FOXP2: variants seen among roughly 807,000 people sequenced by gnomAD.
FOXP2 encodes forkhead box protein P2.
Under a neutral mutation model 115.8 loss-of-function variants are expected in FOXP2, and 12 were observed. The ratio of observed to expected loss-of-function variants is 0.10; its 90% CI spans 0.07 to 0.17. The LOEUF (loss-of-function observed/expected upper bound fraction) is 0.17, where lower values mean the gene tolerates loss of function less well. Ranked by LOEUF, FOXP2 falls within the 10% of genes least tolerant of loss-of-function variation. The probability of loss-of-function intolerance (pLI) is 1.00; values close to 1 mark genes in which losing one functional copy is unlikely to be tolerated. For missense variants in FOXP2, 629 were observed against 843.5 expected, an observed-to-expected ratio of 0.75 and a Z score of 3.15; for synonymous variants, 328 against 297.7, an observed-to-expected ratio of 1.10 and a Z score of -1.05.
At chr7:114,383,365 A>G (rs1251298969) in intron 2 of FOXP2, among the ~76,000 whole-genome samples, 5 of 151,810 alleles carry the variant, frequency 3.3e-5, no homozygotes, top group Non-Finnish European at 7.4e-5. Flanking sequence ...GCACTCTTTG[A>G]TTTATTGTTT....
chr7:114,367,495 G>T (rs777465174), intron 2 of FOXP2, among the ~76,000 whole-genome samples: 2 of 151,996 alleles, frequency 1.3e-5, no homozygotes, highest in Non-Finnish European at 2.9e-5. Flanking sequence ...ATCATAATTT[G>T]CCAGTATAAG....
chr7:114,646,359 A>C (rs1805892421), intron 8 of FOXP2, among the ~76,000 whole-genome samples: 1 of 152,082 alleles, frequency 6.6e-6, no homozygotes, highest in African/African-American at 2.4e-5. Context: ...TGTTTATAGC[A>C]AATTGAAAGA....
intron 2 of FOXP2, among the ~76,000 whole-genome samples, chr7:114,290,947 A>G (rs1014721044): frequency 4.6e-5 from 7 of 152,134 alleles, no homozygotes; most frequent in Non-Finnish European, 8.8e-5. Flanking sequence ...ATTTTCCATT[A>G]TATTCATTTC....
At chr7:114,655,602 A>G (rs1806543830) in intron 10 of FOXP2, among the ~76,000 whole-genome samples, 1 of 152,160 alleles carries the variant, frequency 6.6e-6, no homozygotes, top group African/African-American at 2.4e-5. Flanking sequence ...AACCCTCAAA[A>G]AAACCCTAAA....
chr7:114,233,599 T>G (rs1048964181), intron 1 of FOXP2, among the ~76,000 whole-genome samples: 3 of 152,252 alleles, frequency 2.0e-5, no homozygotes, highest in African/African-American at 7.2e-5. Flanking sequence ...GAAGTTTCAC[T>G]TTAATGTTAT....
intron 3 of FOXP2, among the ~76,000 whole-genome samples, chr7:114,601,911 A>G (rs1294817834): frequency 6.6e-6 from 1 of 152,066 alleles, no homozygotes; most frequent in African/African-American, 2.4e-5. Context: ...GAAAAAAAGT[A>G]TATATTTGCC....
At chr7:114,095,138 G>T (rs1287137378) in intron 1 of FOXP2, among the ~76,000 whole-genome samples, 1 of 152,182 alleles carries the variant, frequency 6.6e-6, no homozygotes, top group Admixed American at 6.5e-5. Flanking sequence ...ACTATAAAGA[G>T]TAATCCATGT....
At chr7:114,394,512 G>A (rs1792692457) in intron 2 of FOXP2, among the ~76,000 whole-genome samples, 1 of 151,732 alleles carries the variant, frequency 6.6e-6, no homozygotes, top group Admixed American at 6.6e-5. Context: ...CCAACAAAAT[G>A]TTTACTAATT....
chr7:114,692,117 C>T lies in FOXP2; in HGVS notation c.*2191C>T, dbSNP rs114784365. 5,588 of 453,764 alleles carry T rather than the reference C, an allele frequency of 0.012. 55 individuals carry two copies. Among genetic ancestry groups the T allele is most frequent in the Middle Eastern group, 0.024 (35 of 1,442 alleles). 28.1% of individuals were successfully genotyped at this position (453,764 alleles called of 1,614,324 possible). On this transcript the variant is annotated 3_prime_UTR_variant, in exon 17 of 17. Coordinates refer to ENST00000350908, the MANE Select transcript of FOXP2 (RefSeq NM_014491.4). Reference sequence around the variant, plus strand: ...GGTATGGTGAAAGATGGTTTTCAGTCATCTAGGATCCTACTGTAAGGATTA... The same window carrying T: ...GGTATGGTGAAAGATGGTTTTCAGTTATCTAGGATCCTACTGTAAGGATTA...
intron 1 of FOXP2, among the ~76,000 whole-genome samples, chr7:114,229,855 A>AG (rs1450551279): frequency 6.6e-6 from 1 of 151,728 alleles, no homozygotes; most frequent in East Asian, 1.9e-4. Flanking sequence ...AGAAGAAAAA[A>AG]TAAGCCAATG....
chr7:114,383,459 A>T (rs894682100), intron 2 of FOXP2, among the ~76,000 whole-genome samples: 1 of 152,068 alleles, frequency 6.6e-6, no homozygotes, highest in Non-Finnish European at 1.5e-5. Context: ...GGATGCTGGG[A>T]TAGGGAGGTA....
chr7:114,623,075 A>G (rs1037928861), intron 3 of FOXP2, among the ~76,000 whole-genome samples: 3 of 152,008 alleles, frequency 2.0e-5, no homozygotes, highest in Admixed American at 6.6e-5. Context: ...TCTAGATTTT[A>G]CAACTTAAAA....
intron 2 of FOXP2, among the ~76,000 whole-genome samples, chr7:114,432,727 T>C (rs1794169729): frequency 1.3e-5 from 2 of 151,968 alleles, no homozygotes; most frequent in African/African-American, 4.8e-5. Context: ...GTTTCAGAGT[T>C]AACTTTTTAC....
intron 2 of FOXP2, among the ~76,000 whole-genome samples, chr7:114,350,514 G>T (rs1639336876): frequency 6.6e-6 from 1 of 152,044 alleles, no homozygotes; most frequent in Non-Finnish European, 1.5e-5. Flanking sequence ...AACTTGCAGG[G>T]TACTGCTAAC....
intron 2 of FOXP2, among the ~76,000 whole-genome samples, chr7:114,383,001 C>G (rs185385884): frequency 1.3e-5 from 2 of 152,344 alleles, no homozygotes; most frequent in East Asian, 3.9e-4. Context: ...AGGGTCTACA[C>G]TGGGAACTGC....
chr7:114,451,675 C>A (rs1316102546), intron 2 of FOXP2, among the ~76,000 whole-genome samples: 3 of 151,980 alleles, frequency 2.0e-5, no homozygotes, highest in Non-Finnish European at 4.4e-5. Context: ...ACATCATTTA[C>A]CTAGCACAGT....
intron 2 of FOXP2, among the ~76,000 whole-genome samples, chr7:114,327,365 A>T: frequency 6.6e-6 from 1 of 152,166 alleles, no homozygotes; most frequent in Non-Finnish European, 1.5e-5. Flanking sequence ...ATCAAACTGA[A>T]ATTTAATTTA....
chr7:114,450,547 A>G (rs1269685979), intron 2 of FOXP2, among the ~76,000 whole-genome samples: 2 of 152,212 alleles, frequency 1.3e-5, no homozygotes, highest in East Asian at 3.9e-4. Flanking sequence ...TCTAAAAATG[A>G]CAGGTGTCAG....
intron 16 of FOXP2, among the ~76,000 whole-genome samples, chr7:114,680,947 C>T (rs1019291224): frequency 2.0e-5 from 3 of 152,140 alleles, no homozygotes; most frequent in Non-Finnish European, 4.4e-5. Context: ...TCTTACTTTA[C>T]TGTCTTTAAT....
Sources: allele counts gnomAD v4.1 joint callset (sites outside exome capture counted in the v4.1 genomes callset), GRCh38; gene constraint gnomAD v4.1.1; transcripts MANE v1.5; gene names NCBI Gene and HGNC (gene_info 2026-07-23, HGNC 2026-07-21).